The following TASOR variants were observed in gnomAD, a reference collection of about 807,000 sequenced individuals.
TASOR encodes protein TASOR.
A neutral mutation model predicts 178.6 loss-of-function variants in TASOR; 53 were observed. The ratio of observed to expected loss-of-function variants is 0.30; its 90% CI spans 0.24 to 0.37. The LOEUF is 0.37. Ranked by LOEUF, TASOR falls within the 10% of genes least tolerant of loss-of-function variation. The probability of loss-of-function intolerance (pLI) is 1.00; values close to 1 mark genes in which losing one functional copy is unlikely to be tolerated. For synonymous variants in TASOR, 713 were observed against 696.2 expected, an observed-to-expected ratio of 1.02 and a Z score of -0.38; for missense variants, 1,815 against 1,971.4, an observed-to-expected ratio of 0.92 and a Z score of 1.50.
chr3:56,634,009 A>T, intron 17 of TASOR, 43 bp from the exon 18 acceptor site: 1 of 1,439,580 alleles, frequency 6.9e-7, no homozygotes, highest in Non-Finnish European at 9.2e-7. Context: ...ATCCAAAAAG[A>T]TAAGATATGA....
chr3:56,649,372 C>T (rs2077302108), intron 11 of TASOR, among the ~76,000 whole-genome samples: 1 of 152,178 alleles, frequency 6.6e-6, no homozygotes, highest in Non-Finnish European at 1.5e-5. Context: ...CAATTTTCTT[C>T]ATCAGTTCAA....
chr3:56,662,356 A>T, intron 9 of TASOR, 29 bp downstream of exon 9: 1 of 1,197,918 alleles, frequency 8.3e-7, no homozygotes, highest in Admixed American at 2.0e-5. Flanking sequence ...AAAATTAGCA[A>T]CCACGAACTG....
rs143617665 is a variant in TASOR at position 56,637,851 on chromosome 3, T to C, written c.2824+855A>G. Among the ~76,000 whole-genome samples, 436 of 152,182 alleles carry C rather than the reference T, an allele frequency of 2.9e-3. 6 individuals carry two copies. The highest frequency in any genetic ancestry group is 0.01 in the African/African-American group (422 of 41,534). On this transcript the variant is annotated intron_variant, in intron 17 of 23. Transcript: ENST00000683822. Reference sequence around the variant, plus strand: ...ATGCCTATGACCATCTGCAGAGAAGTTGAATCCACCAAGATCAGACAAAGA... The same window carrying C: ...ATGCCTATGACCATCTGCAGAGAAGCTGAATCCACCAAGATCAGACAAAGA...
intron 2 of TASOR, among the ~76,000 whole-genome samples, 162 bp downstream of exon 2, chr3:56,673,418 G>A (rs540357797): frequency 9.7e-6 from 1 of 103,034 alleles, no homozygotes; most frequent in Admixed American, 1.4e-4. Context: ...GGCAACAACA[G>A]TGAAACTCCG....
At chr3:56,679,622 C>T (rs1226434463) in intron 1 of TASOR, among the ~76,000 whole-genome samples, 1 of 152,120 alleles carries the variant, frequency 6.6e-6, no homozygotes, top group African/African-American at 2.4e-5. Context: ...AGTGCATGAG[C>T]GCAATTAATT....
intron 11 of TASOR, among the ~76,000 whole-genome samples, chr3:56,658,847 G>A (rs2077528255): frequency 6.6e-6 from 1 of 152,054 alleles, no homozygotes; most frequent in South Asian, 2.1e-4. Flanking sequence ...GTTGAACCCG[G>A]AGGTTGCAGT....
In TASOR at chr3:56,621,818, TAA is replaced by T. The variant is rs11401064; in HGVS notation, c.*1217_*1218del. On this transcript the variant is annotated 3_prime_UTR_variant, in exon 24 of 24. Transcript: ENST00000683822. ...TACTTCTTTTGTAAAAGCTTAGTAGTAAAAAAAAAAAAAAAAAAACCGGTTCT... is the reference window on the plus strand; with the variant it reads ...TACTTCTTTTGTAAAAGCTTAGTAGTAAAAAAAAAAAAAAAAACCGGTTCT... The T allele has an allele frequency of 1.5e-3, 200 of 133,976 alleles. No homozygotes were observed. Among genetic ancestry groups the T allele is most frequent in the East Asian group, 4.3e-3 (22 of 5,060 alleles). The allele number at this position is 133,976 out of a possible 1,614,324, so 8.3% of individuals were successfully genotyped here.
At chr3:56,663,910 T>C (rs2077653005) in intron 7 of TASOR, 1 of 957,962 alleles carries the variant, frequency 1.0e-6, no homozygotes. Flanking sequence ...TATAAATATA[T>C]TAATTCATCA....
intron 8 of TASOR, 93 bp from the exon 9 acceptor site, chr3:56,662,583 G>A: frequency 4.0e-6 from 2 of 500,556 alleles, no homozygotes; most frequent in Admixed American, 4.0e-5. Flanking sequence ...AAAATATCTA[G>A]AAACAAGGTT....
Position 56,627,661 on chromosome 3 carries a change from A to G in TASOR, c.3951T>C (p.His1317=). ...CAGATACAAATAATTCATTGTATGTATGATTTTTAACATCATCCAGGCTAT... is the reference window on the plus strand; with the variant it reads ...CAGATACAAATAATTCATTGTATGTGTGATTTTTAACATCATCCAGGCTAT... ...GVDSLDDVKN[H]TYNELFVSGG... Residue 1317 remains histidine, a synonymous_variant, in exon 20 of 24, where the codon CAT becomes CAC. Transcript: ENST00000683822. The G allele has an allele frequency of 1.2e-6, 2 of 1,614,034 alleles. No individual in the cohort carries two copies. The highest frequency in any genetic ancestry group is 8.5e-7 in the Non-Finnish European group (1 of 1,179,884).
rs1363373565 is a variant in TASOR at position 56,627,739 on chromosome 3, T to C, written c.3873A>G (p.Ile1291Met). 1 of 1,613,156 alleles carries C rather than the reference T, an allele frequency of 6.2e-7. No individual in the cohort carries two copies. The highest frequency in any genetic ancestry group is 1.7e-5 in the Admixed American group (1 of 59,806). Residue 1291 changes from isoleucine to methionine, a missense_variant and splice_region_variant, in exon 20 of 24, where the codon ATA (isoleucine) becomes ATG (methionine). This residue lies in a region of TASOR where 134 missense variants were observed against 195.2 expected (regional missense o/e 0.69). Transcript: ENST00000683822. The part of the protein sequence containing the change: ...NEDIAGFIHK[I>M]PGLVTLKKLP... ...GCTTCTTTAAAGTCACCAAGCCAGG[T>C]ATCTGTTTAAATCCCAAAACAAAAA...
chr3:56,658,916 A>AAAAG (rs1553727688), intron 11 of TASOR, among the ~76,000 whole-genome samples: 1 of 149,356 alleles, frequency 6.7e-6, no homozygotes, highest in Non-Finnish European at 1.5e-5. Context: ...TCAAAAAAAA[A>AAAAG]AGAGAGAGAG....
At chr3:56,682,583 T>TC (rs1254629585) in intron 1 of TASOR, 93 bp downstream of exon 1, 30 of 1,154,232 alleles carry the variant, frequency 2.6e-5, no homozygotes, top group Non-Finnish European at 3.5e-6. Flanking sequence ...TGTTTACGTA[T>TC]CTCGGATGGG....
In TASOR at chr3:56,640,035, T is replaced by G. The variant is rs747024957; in HGVS notation, c.2715A>C (p.Ser905=). The change falls in exon 16 of 24, where the codon TCA becomes TCC. Residue 905 remains serine (S), a synonymous_variant. Coordinates refer to ENST00000683822, the MANE Select transcript of TASOR (RefSeq NM_001365635.2). ...GTATTTCAGTCTCTTCAACATTATT[T>G]GACTTAGACTGTTGTCTACGAAATC... ...EHGFRRQQSK[S]NNVEETEIHW... 5.0e-6 allele frequency: 8 copies of G among 1,612,964 alleles called. No homozygotes were observed. Among genetic ancestry groups the G allele is most frequent in the Non-Finnish European group, 3.4e-6 (4 of 1,179,416 alleles).
chr3:56,663,466 T>G, intron 8 of TASOR, 75 bp downstream of exon 8: 1 of 854,196 alleles, frequency 1.2e-6, no homozygotes, highest in South Asian at 2.1e-5. Context: ...ATAAAAATAA[T>G]ACAAAGCACT....
chr3:56,668,655 A>C (rs2030318995), intron 5 of TASOR, 97 bp from the exon 6 acceptor site: 1 of 921,044 alleles, frequency 1.1e-6, no homozygotes, highest in Non-Finnish European at 1.6e-6. Flanking sequence ...TAGATCAACT[A>C]TCCCAACCAT....
At chr3:56,644,529 G>A (rs2077195175) in intron 14 of TASOR, among the ~76,000 whole-genome samples, 1 of 152,204 alleles carries the variant, frequency 6.6e-6, no homozygotes, top group Non-Finnish European at 1.5e-5. Context: ...ACTCTAGGCA[G>A]AGAGAGATGA....
At chr3:56,669,937 G>T in intron 4 of TASOR, 136 bp downstream of exon 4, 1 of 867,782 alleles carries the variant, frequency 1.2e-6, no homozygotes, top group South Asian at 1.9e-5. Context: ...TTACATTTCA[G>T]AACCTATGAC....
Position 56,653,286 on chromosome 3 carries a change from AAAAG to A in TASOR, c.1369-4233_1369-4230del, listed in dbSNP as rs1178980200. ...TCAAAAAAAAAAAAAAAAAAAAAAA[AAAAG>A]AAAAGACAAGCTAAAGAAAATGAGG... On this transcript the variant is annotated intron_variant, in intron 11 of 23. Transcript: ENST00000683822. Among the ~76,000 whole-genome samples the A allele has an allele frequency of 3.2e-3, 313 of 96,804 alleles. 56 individuals carry two copies. Among genetic ancestry groups the A allele is most frequent in the East Asian group, 9.5e-3 (25 of 2,622 alleles). The allele number at this position is 96,804 out of a possible 152,430, so 63.5% of individuals were successfully genotyped here. A position where few individuals can be genotyped will look rare whatever the true frequency, so the allele number is the denominator to read the frequency against.
Sources: allele counts gnomAD v4.1 joint callset (sites outside exome capture counted in the v4.1 genomes callset), GRCh38; gene constraint gnomAD v4.1.1; regional missense constraint gnomAD v4.1.1; transcripts MANE v1.5; gene names NCBI Gene and HGNC (gene_info 2026-07-23, HGNC 2026-07-21).